Variants in GNG12 observed in about 807,000 individuals in gnomAD.
GNG12 encodes the protein G protein subunit gamma 12, also known as guanine nucleotide-binding protein G(I)/G(S)/G(O) subunit gamma-12.
For missense variants in GNG12, 69 were observed against 83.8 expected (o/e 0.82, Z 0.69); for synonymous variants, 28 against 29.7 (o/e 0.94, Z 0.19).
chr1:67,734,379 C>T (rs1646439527), intron 2 of GNG12, among the ~76,000 whole-genome samples: 1 of 152,156 alleles, frequency 6.6e-6, no homozygotes, highest in Non-Finnish European at 1.5e-5. Context: ...AATGTTTTGA[C>T]TCCTTCTGCT....
At chr1:67,753,116 C>T (rs879715899) in intron 2 of GNG12, among the ~76,000 whole-genome samples, 40 of 152,268 alleles carry the variant, frequency 2.6e-4, no homozygotes, top group Non-Finnish European at 5.1e-4. Flanking sequence ...TTTCAATGCC[C>T]AGCACATGGA....
chr1:67,793,067 T>C (rs773769312), intron 1 of GNG12, among the ~76,000 whole-genome samples: 2 of 152,180 alleles, frequency 1.3e-5, no homozygotes, highest in African/African-American at 2.4e-5. Context: ...CTTGGACTCT[T>C]AGCAAACCTC....
intron 1 of GNG12, among the ~76,000 whole-genome samples, chr1:67,790,767 C>G (rs1189396042): frequency 6.6e-6 from 1 of 152,066 alleles, no homozygotes; most frequent in Non-Finnish European, 1.5e-5. Flanking sequence ...GTGCCGCCAC[C>G]ACCACGTCTG....
chr1:67,815,995 G>A (rs550541954), intron 1 of GNG12, among the ~76,000 whole-genome samples: 2 of 152,276 alleles, frequency 1.3e-5, no homozygotes, highest in South Asian at 4.1e-4. Context: ...GCCAGGGCTG[G>A]GTGCGGCCGG....
intron 2 of GNG12, among the ~76,000 whole-genome samples, chr1:67,730,794 C>T (rs1037449110): frequency 1.3e-5 from 2 of 152,178 alleles, no homozygotes; most frequent in Non-Finnish European, 2.9e-5. Context: ...TTAACTGTTG[C>T]ACTAAATGCA....
intron 2 of GNG12, among the ~76,000 whole-genome samples, chr1:67,753,896 G>A (rs55881861): frequency 0.022 from 3,321 of 152,188 alleles, 116 homozygotes; most frequent in African/African-American, 0.075. Context: ...GACAGGTGGC[G>A]GGCGTTAAGT....
intron 1 of GNG12, among the ~76,000 whole-genome samples, chr1:67,796,175 A>G (rs1286491971): frequency 6.6e-6 from 1 of 152,192 alleles, no homozygotes; most frequent in Non-Finnish European, 1.5e-5. Context: ...CAGGCTAAAC[A>G]TATCTATTTA....
intron 1 of GNG12, among the ~76,000 whole-genome samples, chr1:67,827,707 G>A (rs1485069976): frequency 6.6e-6 from 1 of 151,672 alleles, no homozygotes; most frequent in Non-Finnish European, 1.5e-5. Context: ...TTACAGGCGT[G>A]AGCGACTGCA....
chr1:67,817,478 C>T (rs1403508567), intron 1 of GNG12, among the ~76,000 whole-genome samples: 6 of 152,158 alleles, frequency 3.9e-5, no homozygotes, highest in Non-Finnish European at 8.8e-5. Context: ...GGGCCCAAAA[C>T]CTGGATCATA....
chr1:67,747,410 G>A (rs940521215), intron 2 of GNG12, among the ~76,000 whole-genome samples: 3 of 152,162 alleles, frequency 2.0e-5, no homozygotes, highest in Non-Finnish European at 4.4e-5. Context: ...GTGAGCCACC[G>A]CGCCTAGCCC....
At chr1:67,825,372 G>A (rs1343591494) in intron 1 of GNG12, among the ~76,000 whole-genome samples, 4 of 152,202 alleles carry the variant, frequency 2.6e-5, no homozygotes, top group Admixed American at 2.6e-4. Flanking sequence ...TAGGTCCGAA[G>A]TATGAACCAG....
At position 67,702,706 on chromosome 1, in the gene GNG12, T is replaced by A. The variant is rs1646222814; in HGVS notation, c.*2745A>T. On this transcript the variant is annotated 3_prime_UTR_variant, in exon 4 of 4. Coordinates refer to ENST00000370982, the MANE Select transcript of GNG12 (RefSeq NM_018841.6). ...AATGTTTCTGTAAAATACTTCGGAG[T>A]CATGAAATCATGCCGTGGTCCTGAG... 6.6e-6 allele frequency: 1 copy of A among 151,698 alleles called. No homozygotes were observed. Among genetic ancestry groups the A allele is most frequent in the Non-Finnish European group, 1.5e-5 (1 of 67,952 alleles). The allele number at this position is 151,698 out of a possible 1,614,324, so 9.4% of individuals were successfully genotyped here. A position where few individuals can be genotyped will look rare whatever the true frequency, so the allele number is the denominator to read the frequency against.
intron 2 of GNG12, among the ~76,000 whole-genome samples, chr1:67,713,798 G>C (rs934415846): frequency 6.6e-6 from 1 of 152,222 alleles, no homozygotes; most frequent in African/African-American, 2.4e-5. Flanking sequence ...TGTCAGGGGA[G>C]AAACAGAAGC....
chr1:67,801,476 A>G (rs1302169778), intron 1 of GNG12, among the ~76,000 whole-genome samples: 1 of 152,228 alleles, frequency 6.6e-6, no homozygotes, highest in Non-Finnish European at 1.5e-5. Context: ...TCAAAGTGAT[A>G]GAAACTCAGG....
At chr1:67,791,246 C>T (rs12061806) in intron 1 of GNG12, among the ~76,000 whole-genome samples, 8,535 of 152,168 alleles carry the variant, frequency 0.056, 295 homozygotes, top group Admixed American at 0.091. Flanking sequence ...ACCTTATGTT[C>T]CCTAATCAGA....
intron 1 of GNG12, among the ~76,000 whole-genome samples, chr1:67,788,327 A>ATTTGT (rs201675081): frequency 0.02 from 3,070 of 151,586 alleles, 115 homozygotes; most frequent in African/African-American, 0.071. Flanking sequence ...AACTTTTTTG[A>ATTTGT]TTTGTTTTGT....
chr1:67,801,956 G>C (rs374291687), intron 1 of GNG12, among the ~76,000 whole-genome samples: 1 of 150,592 alleles, frequency 6.6e-6, no homozygotes, highest in Non-Finnish European at 1.5e-5. Context: ...AGAAGGAAGG[G>C]GGGTGAGGAA....
intron 1 of GNG12, among the ~76,000 whole-genome samples, chr1:67,781,891 A>C (rs960819038): frequency 6.6e-6 from 1 of 152,168 alleles, no homozygotes; most frequent in Non-Finnish European, 1.5e-5. Context: ...GAGACATCCA[A>C]GGGGGGATGT....
chr1:67,719,813 C>T (rs143820798), intron 2 of GNG12, among the ~76,000 whole-genome samples: 2 of 152,304 alleles, frequency 1.3e-5, no homozygotes, highest in African/African-American at 4.8e-5. Flanking sequence ...GGATTTCAAC[C>T]CAGATATCTG....
Sources: gnomAD v4.1 joint callset for allele counts (sites outside exome capture counted in the v4.1 genomes callset) on GRCh38, gnomAD v4.1.1 for gene constraint, MANE v1.5 for transcripts, NCBI Gene and HGNC (gene_info 2026-07-23, HGNC 2026-07-21) for gene names.